BBS4: variants seen among roughly 807,000 people sequenced by gnomAD.
BBS4 encodes the protein Bardet-Biedl syndrome 4, also known as BBSome complex member BBS4.
Under a neutral mutation model 71.4 loss-of-function variants are expected in BBS4, and 58 were observed. That is an observed-to-expected ratio of 0.81 (90% confidence interval 0.66 to 1.01). The LOEUF (loss-of-function observed/expected upper bound fraction) is 1.01. Ranked by LOEUF, BBS4 falls within the 50% of genes least tolerant of loss-of-function variation. The pLI, the probability that BBS4 is intolerant of heterozygous loss-of-function variation, is 0.00. For synonymous variants in BBS4, 228 were observed against 216.8 expected, an observed-to-expected ratio of 1.05 and a Z score of -0.46; for missense variants, 660 against 607.9, an observed-to-expected ratio of 1.09 and a Z score of -0.90.
intron 2 of BBS4, among the ~76,000 whole-genome samples, chr15:72,698,473 A>T (rs1341094573): frequency 6.6e-6 from 1 of 152,126 alleles, no homozygotes; most frequent in Non-Finnish European, 1.5e-5. Context: ...TTTTCATGTA[A>T]GGTGAATCAT....
At chr15:72,715,993 A>G (rs2065462425) in intron 5 of BBS4, among the ~76,000 whole-genome samples, 1 of 152,192 alleles carries the variant, frequency 6.6e-6, no homozygotes, top group Admixed American at 6.5e-5. Flanking sequence ...ACTGTCAGCA[A>G]ATGTAGTTAA....
At chr15:72,688,954 CCT>C (rs2064931061) in intron 1 of BBS4, among the ~76,000 whole-genome samples, 2 of 151,926 alleles carry the variant, frequency 1.3e-5, no homozygotes, top group Admixed American at 6.6e-5. Flanking sequence ...CTCAGAAGCC[CCT>C]CTCTCTCACT....
chr15:72,723,270 G>A (rs1042679075), intron 7 of BBS4, among the ~76,000 whole-genome samples: 1 of 152,000 alleles, frequency 6.6e-6, no homozygotes, highest in African/African-American at 2.4e-5. Context: ...AATTTTAAGT[G>A]GATCTGATTT....
intron 2 of BBS4, among the ~76,000 whole-genome samples, chr15:72,702,515 A>G (rs866403610): frequency 7.2e-5 from 11 of 152,078 alleles, no homozygotes; most frequent in Middle Eastern, 3.4e-3. Flanking sequence ...AATCTAAGCT[A>G]TAAAGTAAAA....
In BBS4 at chr15:72,727,947, C is replaced by A. The variant is rs371598044; in HGVS notation, c.595C>A (p.Pro199Thr). The change falls in exon 9 of 16, where the codon CCA becomes ACA. Residue 199 changes from proline (P) to threonine (T), a missense_variant. Physicochemically the swap from Pro to Thr is conservative, Grantham distance 38. Coordinates refer to ENST00000268057, the MANE Select transcript of BBS4 (RefSeq NM_033028.5). ...EVYKKAVEFSPENTELLTTLG... is the reference protein window; with the variant it reads ...EVYKKAVEFSTENTELLTTLG... ...AGCATCTCTATGTTGCAGGTTCTCA[C>A]CAGAAAATACAGAGCTTCTTACAAC... The A allele has an allele frequency of 6.2e-7, 1 of 1,612,134 alleles. No individual in the cohort carries two copies. The highest frequency in any genetic ancestry group is 1.3e-5 in the African/African-American group (1 of 74,856).
At chr15:72,688,682 C>T (rs915618008) in intron 1 of BBS4, among the ~76,000 whole-genome samples, 4 of 152,078 alleles carry the variant, frequency 2.6e-5, no homozygotes. Context: ...GGATTACAGG[C>T]GTGAGCCATG....
At chr15:72,692,663 A>T (rs932274922) in intron 1 of BBS4, among the ~76,000 whole-genome samples, 4 of 146,860 alleles carry the variant, frequency 2.7e-5, no homozygotes. Context: ...TGGTCCAATC[A>T]TGGCTTGCTG....
Position 72,738,429 on chromosome 15 carries a change from C to T in BBS4, c.*842C>T, listed in dbSNP as rs1338728607. The T allele has an allele frequency of 2.6e-6, 1 of 386,108 alleles. No homozygotes were observed. The highest frequency in any genetic ancestry group is 2.1e-5 in the African/African-American group (1 of 47,402). 23.9% of individuals were successfully genotyped at this position (386,108 alleles called of 1,614,324 possible). A position where few individuals can be genotyped will look rare whatever the true frequency, so the allele number is the denominator to read the frequency against. On this transcript the variant is annotated 3_prime_UTR_variant, in exon 16 of 16. Coordinates refer to ENST00000268057, the MANE Select transcript of BBS4 (RefSeq NM_033028.5). ...CATTCCTTTGGGGAAAATTGTTATT[C>T]AGGTATAAAAACAAGAGATCATAAT...
intron 9 of BBS4, among the ~76,000 whole-genome samples, 165 bp downstream of exon 9, chr15:72,728,159 T>C (rs2065738868): frequency 1.3e-5 from 2 of 152,194 alleles, no homozygotes; most frequent in South Asian, 2.1e-4. Flanking sequence ...GAATTAATTT[T>C]CTGCATTTAA....
At chr15:72,698,346 C>G (rs1423526175) in intron 2 of BBS4, among the ~76,000 whole-genome samples, 1 of 152,168 alleles carries the variant, frequency 6.6e-6, no homozygotes, top group East Asian at 1.9e-4. Flanking sequence ...AGTGTTTCAT[C>G]ATTCCAAACA....
At chr15:72,694,251 T>TA (rs1365838214) in intron 1 of BBS4, among the ~76,000 whole-genome samples, 3 of 150,446 alleles carry the variant, frequency 2.0e-5, no homozygotes. Context: ...GGGGCGATGG[T>TA]ACGATCTTGG....
chr15:72,688,320 A>G (rs911766359), intron 1 of BBS4, among the ~76,000 whole-genome samples: 3 of 151,026 alleles, frequency 2.0e-5, no homozygotes, highest in African/African-American at 7.3e-5. Flanking sequence ...ATTTATTGCT[A>G]GTAGTGTTAC....
chr15:72,722,352 A>G (rs1416082102), intron 6 of BBS4, among the ~76,000 whole-genome samples: 2 of 152,226 alleles, frequency 1.3e-5, no homozygotes, highest in East Asian at 1.9e-4. Context: ...CCAGATTCCT[A>G]GGGAAAGGAC....
intron 14 of BBS4, 99 bp from the exon 15 acceptor site, chr15:72,736,663 C>A: frequency 8.9e-7 from 1 of 1,124,494 alleles, no homozygotes; most frequent in Non-Finnish European, 1.3e-6. Flanking sequence ...CGACCAGACA[C>A]TATTTCAGCT....
intron 1 of BBS4, among the ~76,000 whole-genome samples, chr15:72,689,059 T>C (rs1038664177): frequency 6.6e-6 from 1 of 151,928 alleles, no homozygotes; most frequent in Non-Finnish European, 1.5e-5. Flanking sequence ...TTACGACTAA[T>C]TGACTTGGAG....
rs752704384 is a variant in BBS4, at chr15:72,735,150, G to A, written c.1074G>A (p.Lys358=). Residue 358 remains lysine (K), a synonymous_variant, in exon 13 of 16, where the codon AAG becomes AAA. Transcript: ENST00000268057. The part of the protein sequence containing the change: ...LTNLEDIENA[K]RAYAEAVHLD... ...ATCTGGAAGATATAGAAAATGCCAA[G>A]AGAGCCTACGCAGAAGCAGTCCACC... The A allele has an allele frequency of 5.0e-6, 8 of 1,613,820 alleles. No homozygotes were observed. The highest frequency in any genetic ancestry group is 6.8e-6 in the Non-Finnish European group (8 of 1,179,780).
intron 2 of BBS4, among the ~76,000 whole-genome samples, chr15:72,695,447 C>A (rs1471177560): frequency 6.6e-6 from 1 of 152,150 alleles, no homozygotes; most frequent in African/African-American, 2.4e-5. Context: ...GCCACCACAC[C>A]TGGCTAACTT....
intron 9 of BBS4, among the ~76,000 whole-genome samples, chr15:72,729,161 CTTTTTT>C (rs71137313): frequency 8.6e-5 from 6 of 70,032 alleles, no homozygotes; most frequent in Middle Eastern, 9.6e-3. Context: ...ACTGTAGCTG[CTTTTTT>C]TTTTTTTTTT....
At chr15:72,727,239 G>A (rs938610028) in intron 8 of BBS4, among the ~76,000 whole-genome samples, 1 of 152,118 alleles carries the variant, frequency 6.6e-6, no homozygotes, top group Non-Finnish European at 1.5e-5. Flanking sequence ...GCCCTTTGGT[G>A]TTTTACTGTT....
Sources: gnomAD v4.1 joint callset for allele counts (sites outside exome capture counted in the v4.1 genomes callset) on GRCh38, gnomAD v4.1.1 for gene constraint, MANE v1.5 for transcripts, NCBI Gene and HGNC (gene_info 2026-07-23, HGNC 2026-07-21) for gene names.